The following PPP1R9A variants were observed in gnomAD, a reference collection of about 807,000 sequenced individuals.
PPP1R9A encodes the protein neurabin-1.
A neutral mutation model predicts 141.9 loss-of-function variants in PPP1R9A; 59 were observed. That is an observed-to-expected ratio of 0.42 (90% confidence interval 0.34 to 0.52). PPP1R9A has a LOEUF of 0.52. Ranked by LOEUF, PPP1R9A falls within the 20% of genes least tolerant of loss-of-function variation. The pLI, the probability that PPP1R9A is intolerant of heterozygous loss-of-function variation, is 0.10. For missense variants in PPP1R9A, 1,444 were observed against 1,611.9 expected, an observed-to-expected ratio of 0.90 and a Z score of 1.78; for synonymous variants, 500 against 569.7, an observed-to-expected ratio of 0.88 and a Z score of 1.74.
intron 2 of PPP1R9A, among the ~76,000 whole-genome samples, chr7:95,069,277 G>A (rs556147438): frequency 6.6e-6 from 1 of 152,122 alleles, no homozygotes; most frequent in Non-Finnish European, 1.5e-5. Flanking sequence ...ATGTGGAGGG[G>A]GAGGGCAGAG....
chr7:94,934,958 A>G (rs1034309997), intron 2 of PPP1R9A, among the ~76,000 whole-genome samples: 4 of 152,062 alleles, frequency 2.6e-5, no homozygotes, highest in Non-Finnish European at 5.9e-5. Flanking sequence ...TCCTGGGCTC[A>G]AGTGATCCTA....
chr7:95,136,882 A>G (rs1228730601), intron 4 of PPP1R9A, among the ~76,000 whole-genome samples: 2 of 152,186 alleles, frequency 1.3e-5, no homozygotes, highest in Non-Finnish European at 2.9e-5. Flanking sequence ...GAAATACCAC[A>G]CAATATCTGG....
At chr7:95,033,620 AT>A (rs1208236179) in intron 2 of PPP1R9A, among the ~76,000 whole-genome samples, 1 of 151,976 alleles carries the variant, frequency 6.6e-6, no homozygotes, top group Non-Finnish European at 1.5e-5. Context: ...TTTCTCCTGT[AT>A]CCTAAAAGTT....
chr7:95,072,061 A>T (rs1358436936), intron 2 of PPP1R9A, among the ~76,000 whole-genome samples: 2 of 151,488 alleles, frequency 1.3e-5, no homozygotes, highest in African/African-American at 4.8e-5. Context: ...TTTAATTTAA[A>T]TGAACAAATT....
chr7:95,126,379 G>A (rs950880042), intron 4 of PPP1R9A, among the ~76,000 whole-genome samples: 6 of 152,076 alleles, frequency 3.9e-5, no homozygotes, highest in African/African-American at 1.4e-4. Flanking sequence ...ATTGATTCTG[G>A]TTTTCAGATT....
At chr7:95,077,047 T>C (rs1366053863) in intron 2 of PPP1R9A, among the ~76,000 whole-genome samples, 1 of 152,118 alleles carries the variant, frequency 6.6e-6, no homozygotes, top group Non-Finnish European at 1.5e-5. Flanking sequence ...ACTTTTAACC[T>C]TTTAGAATGA....
chr7:94,958,290 C>T (rs1397108601), intron 2 of PPP1R9A, among the ~76,000 whole-genome samples: 1 of 152,046 alleles, frequency 6.6e-6, no homozygotes, highest in African/African-American at 2.4e-5. Context: ...GCTTCTCAGG[C>T]TCTATCATAT....
At chr7:95,001,821 T>C (rs1802967761) in intron 2 of PPP1R9A, among the ~76,000 whole-genome samples, 1 of 152,128 alleles carries the variant, frequency 6.6e-6, no homozygotes, top group Non-Finnish European at 1.5e-5. Flanking sequence ...ACTGTCACTT[T>C]CCAGAGGCAT....
chr7:95,133,705 T>C (rs1187144381), intron 4 of PPP1R9A, among the ~76,000 whole-genome samples: 4 of 151,964 alleles, frequency 2.6e-5, no homozygotes, highest in African/African-American at 9.7e-5. Flanking sequence ...ATTATTTATT[T>C]ATTTATTTGG....
At chr7:94,956,425 A>G (rs1481599252) in intron 2 of PPP1R9A, among the ~76,000 whole-genome samples, 7 of 152,098 alleles carry the variant, frequency 4.6e-5, no homozygotes, top group Admixed American at 2.0e-4. Context: ...ATTCTATTTA[A>G]TTTATCTAAA....
At chr7:94,933,286 G>T (rs1268615407) in intron 2 of PPP1R9A, among the ~76,000 whole-genome samples, 2 of 152,134 alleles carry the variant, frequency 1.3e-5, no homozygotes, top group African/African-American at 4.8e-5. Context: ...TTTAAATAAG[G>T]CCTGCTACTT....
chr7:95,056,628 A>G (rs1811536210), intron 2 of PPP1R9A, among the ~76,000 whole-genome samples: 1 of 152,124 alleles, frequency 6.6e-6, no homozygotes, highest in Non-Finnish European at 1.5e-5. Flanking sequence ...CAAATATTGC[A>G]TGCATTGTTT....
intron 8 of PPP1R9A, among the ~76,000 whole-genome samples, chr7:95,239,335 G>C (rs187425655): frequency 6.0e-4 from 92 of 152,266 alleles, no homozygotes; most frequent in Admixed American, 1.8e-3. Context: ...TTTGTTTGCA[G>C]TTGCTGGATA....
At chr7:95,234,484 C>T (rs1489525665) in intron 8 of PPP1R9A, among the ~76,000 whole-genome samples, 1 of 152,046 alleles carries the variant, frequency 6.6e-6, no homozygotes. Flanking sequence ...AGGTAAAAGA[C>T]CTCTATAAGG....
At chr7:95,150,641 A>C (rs531041127) in intron 4 of PPP1R9A, among the ~76,000 whole-genome samples, 74 of 152,320 alleles carry the variant, frequency 4.9e-4, no homozygotes, top group Admixed American at 2.4e-3. Flanking sequence ...GGCATAATCT[A>C]TGAAAGAAAT....
intron 2 of PPP1R9A, among the ~76,000 whole-genome samples, chr7:94,933,531 A>G (rs886848550): frequency 6.6e-6 from 1 of 152,216 alleles, no homozygotes; most frequent in Admixed American, 6.5e-5. Flanking sequence ...GGTATACTCA[A>G]TTACATGCTT....
chr7:95,284,314 G>T lies in PPP1R9A; in HGVS notation c.3593G>T (p.Trp1198Leu). Residue 1198 changes from tryptophan (W) to leucine (L), a missense_variant, in exon 17 of 20, where the codon TGG becomes TTG. By Grantham distance (61) the Trp-to-Leu change is moderately conservative. Transcript: ENST00000433360. ...CATTCTCAACTTATGTCTGTAGTCT[G>T]GATCCAAGAAACCAATGTAATAACA... is the stretch of plus-strand genomic sequence containing the variant. ...GRHSQLMSVV[W>L]IQETNNFTFN... 6.6e-7 allele frequency: 1 copy of T among 1,507,850 alleles called. No homozygotes were observed. The highest frequency in any genetic ancestry group is 2.3e-5 in the East Asian group (1 of 42,882). The allele number at this position is 1,507,850 out of a possible 1,614,324, so 93.4% of individuals were successfully genotyped here.
At chr7:95,150,780 A>G (rs577151290) in intron 4 of PPP1R9A, among the ~76,000 whole-genome samples, 2 of 148,412 alleles carry the variant, frequency 1.3e-5, no homozygotes, top group East Asian at 3.9e-4. Flanking sequence ...AAGGACTGTT[A>G]TTTAAAGTAT....
chr7:94,954,095 T>G (rs1054051795), intron 2 of PPP1R9A, among the ~76,000 whole-genome samples: 5 of 152,014 alleles, frequency 3.3e-5, no homozygotes, highest in Non-Finnish European at 5.9e-5. Context: ...TGGCTGTGGG[T>G]TTTTTCCTTC....
Sources: gnomAD v4.1 joint callset for allele counts (sites outside exome capture counted in the v4.1 genomes callset) on GRCh38, gnomAD v4.1.1 for gene constraint, MANE v1.5 for transcripts, NCBI Gene and HGNC (gene_info 2026-07-23, HGNC 2026-07-21) for gene names.